The following SUPT3H variants were observed in gnomAD, a reference collection of about 807,000 sequenced individuals.
SUPT3H encodes the protein transcription initiation protein SPT3 homolog.
In SUPT3H, 44 loss-of-function variants were observed where a neutral mutation model predicts 44.3. That is an observed-to-expected ratio of 0.99 (90% CI 0.78 to 1.28). The LOEUF (loss-of-function observed/expected upper bound fraction) is 1.28, where lower values mean the gene tolerates loss of function less well. SUPT3H is among the 50% of genes most tolerant of loss of function. The pLI is 0.00. For synonymous variants in SUPT3H, 124 were observed against 125.6 expected (o/e 0.99, Z 0.09); for missense variants, 380 against 387.1 (o/e 0.98, Z 0.15).
At chr6:44,889,949 G>A (rs926820151) in intron 10 of SUPT3H, among the ~76,000 whole-genome samples, 12 of 141,438 alleles carry the variant, frequency 8.5e-5, no homozygotes, top group South Asian at 2.6e-4. Context: ...AAAAGTGGGC[G>A]GACATGAACA....
chr6:44,814,656 T>TA (rs1023236437), intron 11 of SUPT3H, among the ~76,000 whole-genome samples: 90 of 152,244 alleles, frequency 5.9e-4, no homozygotes, highest in African/African-American at 1.9e-3. Flanking sequence ...GGAGCAGTGT[T>TA]ATAGTCTCAA....
At chr6:45,322,890 G>T in intron 2 of SUPT3H, 1 of 1,612,790 alleles carries the variant, frequency 6.2e-7, no homozygotes, top group Non-Finnish European at 8.5e-7. Context: ...TGTCAAAGTT[G>T]AAGAACGTTG....
chr6:44,972,202 A>G (rs934591588), intron 6 of SUPT3H, among the ~76,000 whole-genome samples: 1 of 152,168 alleles, frequency 6.6e-6, no homozygotes, highest in African/African-American at 2.4e-5. Flanking sequence ...GTTACTTCCT[A>G]GATACAATGG....
At chr6:45,032,327 G>A (rs1022244842) in intron 3 of SUPT3H, among the ~76,000 whole-genome samples, 3 of 152,096 alleles carry the variant, frequency 2.0e-5, no homozygotes, top group African/African-American at 7.2e-5. Flanking sequence ...AAGGGCTCAG[G>A]AAGGTGACAA....
At chr6:45,269,195 G>C (rs1419557780) in intron 2 of SUPT3H, among the ~76,000 whole-genome samples, 1 of 152,138 alleles carries the variant, frequency 6.6e-6, no homozygotes, top group African/African-American at 2.4e-5. Context: ...GATACTGAAT[G>C]AACTAAATTT....
At chr6:45,067,527 A>T (rs1325035371) in intron 3 of SUPT3H, among the ~76,000 whole-genome samples, 1 of 151,414 alleles carries the variant, frequency 6.6e-6, no homozygotes, top group African/African-American at 2.4e-5. Context: ...TGAACAGGCA[A>T]CCAACAAAAT....
intron 10 of SUPT3H, among the ~76,000 whole-genome samples, chr6:44,845,610 C>T (rs1228564175): frequency 3.3e-5 from 5 of 152,082 alleles, no homozygotes; most frequent in Admixed American, 2.6e-4. Context: ...CACCACGCCC[C>T]GATCCTGTGC....
At chr6:45,005,674 C>A (rs1295864453) in intron 5 of SUPT3H, among the ~76,000 whole-genome samples, 2 of 142,046 alleles carry the variant, frequency 1.4e-5, no homozygotes, top group African/African-American at 5.5e-5. Context: ...GCACTCCAGC[C>A]TGGGCAACAA....
At chr6:44,882,350 C>T (rs1582186249) in intron 10 of SUPT3H, among the ~76,000 whole-genome samples, 1 of 152,274 alleles carries the variant, frequency 6.6e-6, no homozygotes, top group Non-Finnish European at 1.5e-5. Context: ...AGTACAATCC[C>T]TGATTATATC....
intron 3 of SUPT3H, among the ~76,000 whole-genome samples, chr6:45,024,280 A>C (rs1191585522): frequency 6.6e-6 from 1 of 152,098 alleles, no homozygotes; most frequent in African/African-American, 2.4e-5. Flanking sequence ...CACATCTTTG[A>C]CCCTATAAAT....
At chr6:45,178,171 AC>A (rs1356978923) in intron 2 of SUPT3H, among the ~76,000 whole-genome samples, 1 of 152,182 alleles carries the variant, frequency 6.6e-6, no homozygotes, top group Non-Finnish European at 1.5e-5. Flanking sequence ...TATTTAGGAA[AC>A]CCATCTCATG....
At chr6:45,367,319 T>C (rs1348194155) in intron 1 of SUPT3H, among the ~76,000 whole-genome samples, 3 of 152,066 alleles carry the variant, frequency 2.0e-5, no homozygotes, top group South Asian at 2.1e-4. Context: ...TTCTAAAACA[T>C]ATGAAGAACA....
intron 2 of SUPT3H, among the ~76,000 whole-genome samples, chr6:45,279,582 C>T (rs1428328121): frequency 1.3e-5 from 2 of 152,144 alleles, no homozygotes; most frequent in African/African-American, 4.8e-5. Context: ...TGCCAGCTCA[C>T]CCTTTGCCTT....
chr6:45,193,272 TCTA>T (rs1407817702), intron 2 of SUPT3H, among the ~76,000 whole-genome samples: 2 of 152,128 alleles, frequency 1.3e-5, no homozygotes, highest in African/African-American at 4.8e-5. Flanking sequence ...TAATGTAAAA[TCTA>T]CTATTTATAA....
At chr6:45,096,337 TC>T (rs1323924130) in intron 3 of SUPT3H, among the ~76,000 whole-genome samples, 5 of 152,166 alleles carry the variant, frequency 3.3e-5, no homozygotes, top group African/African-American at 9.6e-5. Context: ...ATTGTTCTAA[TC>T]TGTTCTTGAA....
In SUPT3H at chr6:44,847,918, C is replaced by T. The variant is rs1296333328; in HGVS notation, c.913-18061G>A. The stretch of plus-strand genomic sequence containing the variant: ...CACTAATTTTCTTTACCATTCATTA[C>T]AGAAATATTTTCTTCTAGTGTTGAC... On this transcript the variant is annotated intron_variant, in intron 10 of 10. Coordinates refer to ENST00000371459, the MANE Select transcript of SUPT3H (RefSeq NM_003599.4). Among the ~76,000 whole-genome samples the T allele has an allele frequency of 5.6e-5, 8 of 142,684 alleles. No individual in the cohort carries two copies. In the East Asian group the frequency reaches 1.8e-3, roughly 32 times the overall value. The allele number at this position is 142,684 out of a possible 152,430, so 93.6% of individuals were successfully genotyped here. A position where few individuals can be genotyped will look rare whatever the true frequency, so the allele number is the denominator to read the frequency against.
At position 45,203,144 on chromosome 6, in the gene SUPT3H, T is replaced by C. The variant is rs184794301; in HGVS notation, c.102-97138A>G. 2.2e-4 allele frequency among the ~76,000 whole-genome samples: 33 copies of C among 152,236 alleles called. No individual in the cohort carries two copies. The East Asian group carries it at 6.4e-3, about 29-fold the overall frequency. On this transcript the variant is annotated intron_variant, in intron 2 of 10. Transcript: ENST00000371459. ...TTTATAAAGCAGTCATTTAAGTGGA[T>C]AGAGAATACAGGGCATGGAGTAAAT...
intron 2 of SUPT3H, among the ~76,000 whole-genome samples, chr6:45,148,437 C>G (rs935109299): frequency 5.9e-5 from 9 of 152,098 alleles, no homozygotes; most frequent in Non-Finnish European, 1.3e-4. Context: ...CATTAGGGAA[C>G]AATTTGAGCA....
intron 5 of SUPT3H, among the ~76,000 whole-genome samples, chr6:45,013,432 C>T (rs112400025): frequency 4.7e-4 from 71 of 152,158 alleles, no homozygotes; most frequent in African/African-American, 1.6e-3. Flanking sequence ...AGGTCTGAGC[C>T]GAACATCTGT....
Sources: allele counts gnomAD v4.1 joint callset (sites outside exome capture counted in the v4.1 genomes callset), GRCh38; gene constraint gnomAD v4.1.1; transcripts MANE v1.5; gene names NCBI Gene and HGNC (gene_info 2026-07-23, HGNC 2026-07-21).